Variants in WDR81 observed in about 807,000 individuals in gnomAD.
WDR81 encodes WD repeat-containing protein 81.
WDR81 carries 92 observed loss-of-function variants against 140.8 expected under a neutral mutation model. That is an observed-to-expected ratio of 0.65 (90% CI 0.55 to 0.78). The LOEUF (loss-of-function observed/expected upper bound fraction) is 0.78. Ranked by LOEUF, WDR81 falls within the 30% of genes least tolerant of loss-of-function variation. WDR81 has a pLI of 0.00. For missense variants in WDR81, 2,502 were observed against 2,636.4 expected (o/e 0.95, Z 1.12); for synonymous variants, 1,183 against 1,156.4 (o/e 1.02, Z -0.47).
chr17:1,730,584 C>G (rs1157471916), intron 2 of WDR81, 97 bp downstream of exon 2: 78 of 1,427,658 alleles, frequency 5.5e-5, no homozygotes, highest in Non-Finnish European at 7.3e-5. Context: ...CCACCCCTCC[C>G]TCAAACCACC....
chr17:1,717,705 T>A (rs146080622), intron 1 of WDR81, among the ~76,000 whole-genome samples: 1 of 152,206 alleles, frequency 6.6e-6, no homozygotes, highest in African/African-American at 2.4e-5. Context: ...GGAAAGAACG[T>A]GGGGGATGTG....
chr17:1,734,083 C>A lies in WDR81; in HGVS notation c.5046C>A (p.Asp1682Glu). The A allele has an allele frequency of 1.2e-6, 2 of 1,603,040 alleles. No individual in the cohort carries two copies. The highest frequency in any genetic ancestry group is 1.7e-6 in the Non-Finnish European group (2 of 1,179,770). Residue 1682 changes from aspartate (D) to glutamate (E), a missense_variant, in exon 7 of 10, where the codon GAC (aspartate) becomes GAA (glutamate). Asp to Glu is a conservative substitution (Grantham distance 45). Coordinates refer to ENST00000409644, the MANE Select transcript of WDR81 (RefSeq NM_001163809.2). ...VRLWPLYNYGDGTSETAPRLV... is the reference protein window; with the variant it reads ...VRLWPLYNYGEGTSETAPRLV... Reference sequence around the variant, plus strand: ...TCTGGCCGCTGTACAACTACGGCGACGGGACCAGCGAGACGGCCCCACGCC... The same window carrying A: ...TCTGGCCGCTGTACAACTACGGCGAAGGGACCAGCGAGACGGCCCCACGCC...
upstream of WDR81, among the ~76,000 whole-genome samples, chr17:1,723,443 TTTTA>T (rs371736848): frequency 3.0e-3 from 423 of 142,138 alleles, no homozygotes; most frequent in African/African-American, 7.6e-3. Context: ...TTGGTTTTAT[TTTTA>T]TTTATTTATT....
chr17:1,716,610 C>T (rs1914574436), exon 1 of WDR81: 1 of 1,551,420 alleles, frequency 6.4e-7, no homozygotes, highest in Admixed American at 2.0e-5. Context: ...CTGACACCGT[C>T]GTTCCCAGAA....
intron 4 of WDR81, among the ~76,000 whole-genome samples, chr17:1,732,101 G>T (rs1205680964): frequency 6.6e-6 from 1 of 152,074 alleles, no homozygotes; most frequent in African/African-American, 2.4e-5. Context: ...GCCGGGTATG[G>T]TGGCTCATGC....
In WDR81 at chr17:1,726,204, C is replaced by T; in HGVS notation, c.1245C>T (p.Phe415=). 7 of 1,526,552 alleles carry T rather than the reference C, an allele frequency of 4.6e-6. No individual in the cohort carries two copies. Among genetic ancestry groups the T allele is most frequent in the Admixed American group, 2.0e-5 (1 of 49,504 alleles). The allele number at this position is 1,526,552 out of a possible 1,614,324, so 94.6% of individuals were successfully genotyped here. The change falls in exon 1 of 10, where the codon TTC becomes TTT. Residue 415 remains phenylalanine, a synonymous_variant. Transcript: ENST00000409644. ...ACAAGGGGGATAAGCAACTGGACTT[C>T]ACGTATGAGATGACACGGCAGGCAT... ...RLNKGDKQLD[F]TYEMTRQAFV...
upstream of WDR81, among the ~76,000 whole-genome samples, chr17:1,720,704 G>A (rs1914817333): frequency 6.6e-6 from 1 of 151,356 alleles, no homozygotes; most frequent in African/African-American, 2.4e-5. Flanking sequence ...GGTGAAGGTT[G>A]CAGTGAGCCG....
chr17:1,725,257 G>A lies in WDR81; in HGVS notation c.298G>A (p.Ala100Thr). 1 of 1,544,086 alleles carries A rather than the reference G, an allele frequency of 6.5e-7. No homozygotes were observed. The change falls in exon 1 of 10, where the codon GCC (alanine) becomes ACC (threonine). Residue 100 changes from alanine to threonine, a missense_variant. By Grantham distance (58) the Ala-to-Thr change is moderately conservative (BLOSUM62 0). This residue lies in a region of WDR81 where 547 missense variants were observed against 513.8 expected (regional missense o/e 1.06). Coordinates refer to ENST00000409644, the MANE Select transcript of WDR81 (RefSeq NM_001163809.2). ...GCAGCGCTCTGTGCAAAGGCTGCCTGCCGGCTGGACGCGCGTGGAGGTGCA... is the reference window on the plus strand; with the variant it reads ...GCAGCGCTCTGTGCAAAGGCTGCCTACCGGCTGGACGCGCGTGGAGGTGCA... The part of the protein sequence containing the change: ...LLQRSVQRLP[A>T]GWTRVEVHGL...
upstream of WDR81, among the ~76,000 whole-genome samples, chr17:1,722,547 T>G (rs931475804): frequency 6.6e-6 from 1 of 151,744 alleles, no homozygotes; most frequent in South Asian, 2.1e-4. Context: ...GGTTTCTCCA[T>G]GTTGGTCAGG....
chr17:1,736,246 C>A, intron 9 of WDR81, 28 bp downstream of exon 9: 1 of 1,584,056 alleles, frequency 6.3e-7, no homozygotes, highest in Non-Finnish European at 8.5e-7. Flanking sequence ...CCTCCCCTTG[C>A]TGCCCAACCC....
rs2151174481 is a variant in WDR81, at chr17:1,734,116, C to T, written c.5079C>T (p.Tyr1693=). The T allele has an allele frequency of 3.1e-6, 5 of 1,600,730 alleles. No individual in the cohort carries two copies. The highest frequency in any genetic ancestry group is 4.5e-5 in the East Asian group (2 of 44,876). ...GTSETAPRLV[Y]TQHRKSVFFV... ...GCGAGACGGCCCCACGCCTCGTCTACACCCAGCACCGCAAGAGCGTCTTCT... is the reference window on the plus strand; with the variant it reads ...GCGAGACGGCCCCACGCCTCGTCTATACCCAGCACCGCAAGAGCGTCTTCT... The change falls in exon 7 of 10, where the codon TAC becomes TAT. Residue 1693 remains tyrosine, a synonymous_variant. Coordinates refer to ENST00000409644, the MANE Select transcript of WDR81 (RefSeq NM_001163809.2).
At chr17:1,718,119 T>A (rs12952380) in intron 1 of WDR81, among the ~76,000 whole-genome samples, 1,647 of 152,166 alleles carry the variant, frequency 0.011, 18 homozygotes, top group African/African-American at 0.026. Flanking sequence ...TTATTTATTT[T>A]TTTTTTTTCT....
rs1904576368 is a variant in WDR81 at position 1,733,679 on chromosome 17, G to A, written c.4642G>A (p.Gly1548Ser). 1.2e-6 allele frequency: 2 copies of A among 1,611,744 alleles called. No homozygotes were observed. Among genetic ancestry groups the A allele is most frequent in the African/African-American group, 1.3e-5 (1 of 75,050 alleles). ...GCCCGAGTGGGACCCCCATGGTGGG[G>A]GCTGCCCTCAGGATGACGGCCACTC... ...TGPEWDPHGG[G>S]CPQDDGHSGT... is the part of the protein sequence containing the mutation. Residue 1548 changes from glycine to serine, a missense_variant, in exon 7 of 10, where the codon GGC becomes AGC. By Grantham distance (56) the Gly-to-Ser change is moderately conservative. This residue lies in a region of WDR81 where 1,737 missense variants were observed against 1,843.0 expected (regional missense o/e 0.94). Transcript: ENST00000409644.
rs1045794 is a variant in WDR81, at chr17:1,737,415, C to G, written c.5556C>G (p.Thr1852=). 3.6e-4 allele frequency: 577 copies of G among 1,612,588 alleles called. No individual in the cohort carries two copies. Among genetic ancestry groups the G allele is most frequent in the Non-Finnish European group, 4.6e-4 (542 of 1,179,876 alleles). The change falls in exon 10 of 10, where the codon ACC becomes ACG. Residue 1852 remains threonine, a synonymous_variant. Coordinates refer to ENST00000409644, the MANE Select transcript of WDR81 (RefSeq NM_001163809.2). Reference sequence around the variant, plus strand: ...GCTCCTCCTCTGACCATTCCTTGACCGTCTGGAAGGAGCTGGAGCAGAAGC... The same window carrying G: ...GCTCCTCCTCTGACCATTCCTTGACGGTCTGGAAGGAGCTGGAGCAGAAGC... The part of the protein sequence containing the change: ...LVSSSSDHSL[T]VWKELEQKPT...
chr17:1,728,334 A>C lies in WDR81; in HGVS notation c.3375A>C (p.Pro1125=). ...CCTCCCTGGGTGAGGAGCGGGCTCC[A>C]GACGAGGGGGGTGCCCCCGTGGACA... ...SETSLGEERA[P]DEGGAPVDKS... The change falls in exon 1 of 10, where the codon CCA becomes CCC. Residue 1125 remains proline, a synonymous_variant. Transcript: ENST00000409644. The C allele has an allele frequency of 6.2e-7, 1 of 1,612,922 alleles. No individual in the cohort carries two copies. The highest frequency in any genetic ancestry group is 8.5e-7 in the Non-Finnish European group (1 of 1,180,014).
Position 1,732,501 on chromosome 17 carries a change from C to T in WDR81, c.4323+11C>T, listed in dbSNP as rs1019002972. The T allele has an allele frequency of 7.7e-6, 12 of 1,560,180 alleles. No homozygotes were observed. The Admixed American group carries it at 1.7e-4, about 22-fold the overall frequency. On this transcript the variant is annotated intron_variant, in intron 5 of 9. Transcript: ENST00000409644. The stretch of plus-strand genomic sequence containing the variant: ...GAGCTTCGGCAACAGGTGGGCAGAT[C>T]TGCTGGGCCAGGGCGGGCTGGGGCG...
rs7502910 is a variant in WDR81, at chr17:1,735,424, A to G, written c.5180-148A>G. ...AGCCTGGGCGACAAAGCGAGACTCC[A>G]TCTCAAAAAAAGAGAAACATCTTTA... On this transcript the variant is annotated intron_variant, in intron 7 of 9. Transcript: ENST00000409644. The surrounding 1 kb of genome is among the most constrained non-coding windows in gnomAD (Gnocchi z 4.2). 451,863 of 882,636 alleles carry G rather than the reference A, an allele frequency of 0.51. 119,055 individuals carry two copies. Among genetic ancestry groups the G allele is most frequent in the East Asian group, 0.69 (22,454 of 32,662 alleles). 54.7% of individuals were successfully genotyped at this position (882,636 alleles called of 1,614,324 possible).
In WDR81 at chr17:1,727,277, C is replaced by T. The variant is rs186891589; in HGVS notation, c.2318C>T (p.Ala773Val). The change falls in exon 1 of 10, where the codon GCG (alanine) becomes GTG (valine). Residue 773 changes from alanine (A) to valine (V), a missense_variant. Physicochemically the swap from Ala to Val is moderately conservative, Grantham distance 64 (BLOSUM62 0). Transcript: ENST00000409644. ...LQCLLHRDMQ[A>V]LGVLLAEMVF... ...TGCCTACTCCACAGGGACATGCAGGCGCTGGGTGTCCTATTGGCAGAGATG... is the reference window on the plus strand; with the variant it reads ...TGCCTACTCCACAGGGACATGCAGGTGCTGGGTGTCCTATTGGCAGAGATG... 154 of 1,550,242 alleles carry T rather than the reference C, an allele frequency of 9.9e-5. No individual in the cohort carries two copies. The highest frequency in any genetic ancestry group is 1.4e-4 in the African/African-American group (10 of 73,194).
At position 1,733,741 on chromosome 17, in the gene WDR81, T is replaced by G; in HGVS notation, c.4704T>G (p.Ile1568Met). ...TFGSVLVGNR[I>M]QIPNDSRPEN... ...GGAGCGTCCTGGTGGGGAACCGCAT[T>G]CAGATCCCCAATGACTCTCGGCCTG... Residue 1568 changes from isoleucine (I) to methionine (M), a missense_variant, in exon 7 of 10, where the codon ATT becomes ATG. Transcript: ENST00000409644. 6.2e-7 allele frequency: 1 copy of G among 1,612,388 alleles called. No individual in the cohort carries two copies. Among genetic ancestry groups the G allele is most frequent in the Non-Finnish European group, 8.5e-7 (1 of 1,179,788 alleles).
Sources: gnomAD v4.1 joint callset for allele counts (sites outside exome capture counted in the v4.1 genomes callset) on GRCh38, gnomAD v4.1.1 for gene constraint, gnomAD v4.1.1 regional missense constraint, Gnocchi (gnomAD v3.1) non-coding constraint, MANE v1.5 for transcripts, NCBI Gene and HGNC (gene_info 2026-07-23, HGNC 2026-07-21) for gene names.